GSE1: variants seen among roughly 807,000 people sequenced by gnomAD.
GSE1 encodes the protein Gse1 coiled-coil protein.
GSE1 carries 32 observed loss-of-function variants against 112.6 expected under a neutral mutation model. That is an observed-to-expected ratio of 0.28 (90% confidence interval 0.21 to 0.38). GSE1 has a LOEUF of 0.38. GSE1 is among the 10% of genes least tolerant of loss of function. The probability of loss-of-function intolerance (pLI) is 1.00; values close to 1 mark genes in which losing one functional copy is unlikely to be tolerated. For synonymous variants in GSE1, 1,115 were observed against 735.6 expected (o/e 1.52, Z -8.35); for missense variants, 2,348 against 1,699.2 (o/e 1.38, Z -6.71).
At position 85,295,960 on chromosome 16, in the gene GSE1, C is replaced by T. The variant is rs372066810; in HGVS notation, c.2284-61503C>T. On this transcript the variant is annotated intron_variant, in intron 1 of 2. Transcript: ENST00000637419. ...GGGCCCTTATTTGTAAAAGGAAGGG[C>T]GACCGTCACTGCTGCACTGCAATCC... is the stretch of plus-strand genomic sequence containing the variant. Among the ~76,000 whole-genome samples the T allele has an allele frequency of 2.6e-5, 4 of 151,990 alleles. 1 individual carries two copies. The highest frequency in any genetic ancestry group is 1.9e-4 in the East Asian group (1 of 5,168).
At chr16:85,643,414 GA>G (rs2050605032) in intron 2 of GSE1, among the ~76,000 whole-genome samples, 1 of 152,206 alleles carries the variant, frequency 6.6e-6, no homozygotes, top group Admixed American at 6.5e-5. Flanking sequence ...CGCCAGCGGG[GA>G]TTAGGCCGCT....
intron 1 of GSE1, among the ~76,000 whole-genome samples, chr16:85,336,321 C>A (rs1266693930): frequency 6.6e-6 from 1 of 152,206 alleles, no homozygotes; most frequent in Non-Finnish European, 1.5e-5. Flanking sequence ...TGAAGCCTGG[C>A]ACTGAGCCAG....
chr16:85,564,412 T>C (rs1441956553), intron 1 of GSE1, among the ~76,000 whole-genome samples: 1 of 152,066 alleles, frequency 6.6e-6, no homozygotes, highest in Admixed American at 6.5e-5. Flanking sequence ...GGGGCATGGA[T>C]TGAGTAATCA....
Position 85,586,810 on chromosome 16 carries a change from C to T in GSE1, c.37+30447C>T, listed in dbSNP as rs534059675. Reference sequence around the variant, plus strand: ...TGGGCTCTCCTCCGTGCCCCCAGGCCCCCTGGCAGCCCCTCCCTACTCCCC... The same window carrying T: ...TGGGCTCTCCTCCGTGCCCCCAGGCTCCCTGGCAGCCCCTCCCTACTCCCC... On this transcript the variant is annotated intron_variant, in intron 1 of 2. Coordinates refer to the GSE1 transcript ENST00000635906. Among the ~76,000 whole-genome samples the T allele has an allele frequency of 2.3e-3, 346 of 152,320 alleles. 1 individual carries two copies. Among genetic ancestry groups the T allele is most frequent in the African/African-American group, 7.8e-3 (326 of 41,578 alleles).
At chr16:85,503,798 A>G (rs1304372577) in intron 2 of GSE1, among the ~76,000 whole-genome samples, 1 of 152,206 alleles carries the variant, frequency 6.6e-6, no homozygotes, top group Non-Finnish European at 1.5e-5. Flanking sequence ...TCAGAAGCCA[A>G]GCGGCCGTCA....
upstream of GSE1, chr16:85,613,083 T>C (rs2048099240): frequency 1.5e-6 from 1 of 649,122 alleles, no homozygotes; most frequent in Non-Finnish European, 2.2e-6. Context: ...GGCGGGTGGA[T>C]CCGGGCGCCC....
At chr16:85,294,669 CT>C (rs1479866590) in intron 1 of GSE1, among the ~76,000 whole-genome samples, 144 of 137,740 alleles carry the variant, frequency 1.0e-3, no homozygotes, top group African/African-American at 3.8e-3. Flanking sequence ...GTCTCTCTCT[CT>C]CCCCCCCCTT....
chr16:85,557,037 G>C (rs1049252606), intron 1 of GSE1, among the ~76,000 whole-genome samples: 13 of 152,268 alleles, frequency 8.5e-5, no homozygotes, highest in Admixed American at 7.8e-4. Context: ...GGGAGGGGAG[G>C]GGAGGGGGTT....
At chr16:85,194,268 A>G (rs1237210411) in intron 1 of GSE1, among the ~76,000 whole-genome samples, 2 of 152,164 alleles carry the variant, frequency 1.3e-5, no homozygotes, top group East Asian at 1.9e-4. Flanking sequence ...CTAGAACCCA[A>G]AAATCCTAGT....
chr16:85,305,174 G>T (rs1296111226), intron 1 of GSE1, among the ~76,000 whole-genome samples: 1 of 152,182 alleles, frequency 6.6e-6, no homozygotes, highest in Admixed American at 6.5e-5. Context: ...CTGGAGCAGG[G>T]TCTACACGTG....
chr16:85,291,822 C>G (rs563802901), intron 1 of GSE1, among the ~76,000 whole-genome samples: 9 of 152,364 alleles, frequency 5.9e-5, no homozygotes. Context: ...GCCTTCCTCC[C>G]CATCCCCCCG....
chr16:85,475,312 G>A (rs1196424933), intron 2 of GSE1, among the ~76,000 whole-genome samples: 1 of 152,234 alleles, frequency 6.6e-6, no homozygotes, highest in African/African-American at 2.4e-5. Context: ...TCTGTGATCA[G>A]TGCTGGGGGC....
At chr16:85,348,541 C>A (rs914011935) in intron 1 of GSE1, among the ~76,000 whole-genome samples, 17 of 152,276 alleles carry the variant, frequency 1.1e-4, no homozygotes, top group African/African-American at 2.4e-4. Flanking sequence ...TTGGCCACTG[C>A]CCATCCATGA....
chr16:85,649,192 C>T (rs531634736), intron 3 of GSE1, among the ~76,000 whole-genome samples: 1 of 152,266 alleles, frequency 6.6e-6, no homozygotes, highest in East Asian at 1.9e-4. Context: ...CCCTAATGTC[C>T]TTATTCTCAT....
At chr16:85,189,561 T>C (rs972364796) in intron 1 of GSE1, among the ~76,000 whole-genome samples, 1 of 152,142 alleles carries the variant, frequency 6.6e-6, no homozygotes, top group African/African-American at 2.4e-5. Context: ...CCACAGTAAA[T>C]AAAAGTTCTA....
intron 1 of GSE1, among the ~76,000 whole-genome samples, chr16:85,578,174 G>A (rs2046306524): frequency 6.6e-6 from 1 of 152,262 alleles, no homozygotes; most frequent in East Asian, 1.9e-4. Context: ...GACCCCCTGA[G>A]CCGCCCCAGA....
chr16:85,505,023 GCA>G (rs1555523725), intron 2 of GSE1, among the ~76,000 whole-genome samples: 1 of 151,928 alleles, frequency 6.6e-6, no homozygotes, highest in Non-Finnish European at 1.5e-5. Context: ...ACATGTGCAC[GCA>G]CACACAGCCC....
chr16:85,256,533 T>G (rs1907099679), intron 1 of GSE1, among the ~76,000 whole-genome samples: 1 of 152,172 alleles, frequency 6.6e-6, no homozygotes, highest in Non-Finnish European at 1.5e-5. Context: ...CCCAGGCACG[T>G]TCCTTGGCGA....
At position 85,438,274 on chromosome 16, in the gene GSE1, C is replaced by T. The variant is rs538198419; in HGVS notation, c.2464+80631C>T. 9.8e-5 allele frequency among the ~76,000 whole-genome samples: 15 copies of T among 152,290 alleles called. No homozygotes were observed. In the East Asian group the frequency reaches 1.9e-3, roughly 20 times the overall value. ...AGATGCTGGAGGATTCAGCCCAGCC[C>T]GGGGGACCTTGCAAGGCCATGCGGT... On this transcript the variant is annotated intron_variant, in intron 2 of 2. Coordinates refer to the GSE1 transcript ENST00000637419.
Sources: allele counts gnomAD v4.1 joint callset (sites outside exome capture counted in the v4.1 genomes callset), GRCh38; gene constraint gnomAD v4.1.1; transcripts MANE v1.5; gene names NCBI Gene and HGNC (gene_info 2026-07-23, HGNC 2026-07-21).